EIF3B: variants seen among roughly 807,000 people sequenced by gnomAD.
EIF3B encodes the protein eukaryotic translation initiation factor 3 subunit 9.
In EIF3B, 10 loss-of-function variants were observed where a neutral mutation model predicts 104.6. The ratio of observed to expected loss-of-function variants is 0.10; its 90% CI spans 0.06 to 0.16. The LOEUF (loss-of-function observed/expected upper bound fraction) is 0.16, where lower values mean the gene tolerates loss of function less well. Among genes scored for constraint, EIF3B ranks in the 10% least tolerant of loss-of-function variants. EIF3B has a pLI of 1.00. For missense variants in EIF3B, 1,014 were observed against 1,087.9 expected (o/e 0.93, Z 0.96); for synonymous variants, 542 against 417.2 (o/e 1.30, Z -3.65).
intron 11 of EIF3B, among the ~76,000 whole-genome samples, chr7:2,372,405 T>C (rs557411472): frequency 6.6e-6 from 1 of 152,252 alleles, no homozygotes; most frequent in South Asian, 2.1e-4. Context: ...CTGCTGACAA[T>C]GTCGGGCTCC....
chr7:2,364,342 T>C, intron 5 of EIF3B, 30 bp from the exon 6 acceptor site: 1 of 1,557,442 alleles, frequency 6.4e-7, no homozygotes, highest in Non-Finnish European at 8.6e-7. Flanking sequence ...CATTTTGTTG[T>C]ATTAACGTTG....
At chr7:2,365,393 A>G (rs7810944) in intron 6 of EIF3B, among the ~76,000 whole-genome samples, 118,302 of 151,450 alleles carry the variant, frequency 0.78, 46,551 homozygotes, top group East Asian at 0.89. Context: ...AACGGGGGCC[A>G]CTCTAGGGAA....
chr7:2,366,321 C>T lies in EIF3B; in HGVS notation c.1162C>T (p.Leu388=). The T allele has an allele frequency of 6.2e-7, 1 of 1,606,018 alleles. No homozygotes were observed. Among genetic ancestry groups the T allele is most frequent in the Non-Finnish European group, 8.5e-7 (1 of 1,176,646 alleles). The change falls in exon 7 of 19, where the codon CTG becomes TTG. Residue 388 remains leucine (L), a synonymous_variant. Coordinates refer to ENST00000360876, the MANE Select transcript of EIF3B (RefSeq NM_001037283.2). ...LIDFSPCERY[L]VTFSPLMDTQ... ...AGTGTTGCCCTTCTCTTCTAGGTAC[C>T]TGGTGACCTTTAGCCCCCTGATGGA...
chr7:2,363,216 G>A, intron 4 of EIF3B, 89 bp downstream of exon 4: 1 of 1,331,190 alleles, frequency 7.5e-7, no homozygotes, highest in Non-Finnish European at 1.1e-6. Context: ...ACTTAGGGAG[G>A]CTGAGGTGGG....
At chr7:2,365,283 T>C (rs928507398) in intron 6 of EIF3B, among the ~76,000 whole-genome samples, 1 of 152,112 alleles carries the variant, frequency 6.6e-6, no homozygotes, top group Non-Finnish European at 1.5e-5. Flanking sequence ...AATCCGGCTG[T>C]CGGAGGCCTG....
intron 1 of EIF3B, among the ~76,000 whole-genome samples, chr7:2,359,737 T>TG: frequency 6.6e-6 from 1 of 152,326 alleles, no homozygotes; most frequent in South Asian, 2.1e-4. Flanking sequence ...GGCCAGTCTT[T>TG]GGGGCTGAGC....
intron 8 of EIF3B, 84 bp downstream of exon 8, chr7:2,366,675 A>AGAG: frequency 4.0e-6 from 6 of 1,506,892 alleles, no homozygotes; most frequent in Non-Finnish European, 5.5e-6. Context: ...TTGTGCTAGA[A>AGAG]GAGGAGGAGG....
intron 9 of EIF3B, 184 bp downstream of exon 9, chr7:2,367,229 C>T: frequency 3.5e-6 from 2 of 564,712 alleles, no homozygotes; most frequent in Non-Finnish European, 6.1e-6. Context: ...TGACGGCCCA[C>T]CTCCCTCCTA....
In EIF3B at chr7:2,372,728, C is replaced by G. The variant is rs61742731; in HGVS notation, c.1743C>G (p.His581Gln). The G allele has an allele frequency of 1.2e-6, 2 of 1,614,154 alleles. No homozygotes were observed. Among genetic ancestry groups the G allele is most frequent in the Admixed American group, 3.3e-5 (2 of 60,020 alleles). The change falls in exon 12 of 19, where the codon CAC becomes CAG. Residue 581 changes from histidine to glutamine, a missense_variant. His to Gln is a conservative substitution (Grantham distance 24). Transcript: ENST00000360876. ...EPNGSKFAVL[H>Q]GEAPRISVSF... ...ATGGAAGTAAGTTTGCTGTGCTGCA[C>G]GGAGAGGCTCCGCGGATATCTGTGT...
In EIF3B at chr7:2,366,519, T is replaced by G. The variant is rs780420259; in HGVS notation, c.1290-6T>G. The G allele has an allele frequency of 6.8e-6, 11 of 1,614,184 alleles. No individual in the cohort carries two copies. The highest frequency in any genetic ancestry group is 9.3e-6 in the Non-Finnish European group (11 of 1,180,034). On this transcript the variant is annotated splice_polypyrimidine_tract_variant and splice_region_variant and intron_variant, in intron 7 of 18. Transcript: ENST00000360876. ...GGGAATACCCTGGCACTTTTGTTTTTCTTAGGTGGAGCCATGATGGCAAAT... is the reference window on the plus strand; with the variant it reads ...GGGAATACCCTGGCACTTTTGTTTTGCTTAGGTGGAGCCATGATGGCAAAT...
At position 2,380,449 on chromosome 7, in the gene EIF3B, C is replaced by A. The variant is rs756669116; in HGVS notation, c.*260C>A. 2.0e-6 allele frequency: 1 copy of A among 512,166 alleles called. No homozygotes were observed. Among genetic ancestry groups the A allele is most frequent in the South Asian group, 1.4e-5 (1 of 70,670 alleles). The allele number at this position is 512,166 out of a possible 1,614,324, so 31.7% of individuals were successfully genotyped here. The stretch of plus-strand genomic sequence containing the variant: ...TCTGCAGTGGGGGATTTAAGGCACC[C>A]GCTTCCACTTCTTTCTTGTTTGGAG... On this transcript the variant is annotated 3_prime_UTR_variant, in exon 19 of 19. Transcript: ENST00000360876.
At chr7:2,356,257 C>T (rs982888965) in intron 1 of EIF3B, among the ~76,000 whole-genome samples, 1 of 152,152 alleles carries the variant, frequency 6.6e-6, no homozygotes, top group Non-Finnish European at 1.5e-5. Flanking sequence ...GCCAGCGATA[C>T]ACCAGGACAA....
chr7:2,356,198 G>A (rs984661032), intron 1 of EIF3B, among the ~76,000 whole-genome samples: 8 of 152,148 alleles, frequency 5.3e-5, no homozygotes, highest in Non-Finnish European at 1.2e-4. Flanking sequence ...CTGCAGATTG[G>A]CTAAGTTGAT....
intron 7 of EIF3B, 24 bp from the exon 8 acceptor site, chr7:2,366,500 AC>A (rs1259391953): frequency 6.2e-7 from 1 of 1,613,972 alleles, no homozygotes; most frequent in Non-Finnish European, 8.5e-7. Flanking sequence ...TCATGGGAAT[AC>A]CCTGGCACTT....
intron 15 of EIF3B, among the ~76,000 whole-genome samples, chr7:2,377,338 A>G (rs1210306371): frequency 6.6e-6 from 1 of 152,256 alleles, no homozygotes; most frequent in African/African-American, 2.4e-5. Flanking sequence ...GGCCATTAAA[A>G]AGTCCTGCTG....
intron 9 of EIF3B, chr7:2,367,248 C>T: frequency 1.9e-6 from 1 of 532,550 alleles, no homozygotes; most frequent in Non-Finnish European, 3.3e-6. Context: ...TAGTGGACAG[C>T]CCCTCGGTCC....
rs749815958 is a variant in EIF3B, at chr7:2,364,513, T to C, written c.1141T>C (p.Phe381Leu). The C allele has an allele frequency of 6.2e-7, 1 of 1,612,696 alleles. No homozygotes were observed. ...CCACCAAGGGGTTCAGCTTATTGAC[T>C]TCTCACCTTGTGAAAGGTAAGCTGC... ...FSHQGVQLIDFSPCERYLVTF... is the reference protein window; with the variant it reads ...FSHQGVQLIDLSPCERYLVTF... The change falls in exon 6 of 19, where the codon TTC (phenylalanine) becomes CTC (leucine). Residue 381 changes from phenylalanine to leucine, a missense_variant. Coordinates refer to ENST00000360876, the MANE Select transcript of EIF3B (RefSeq NM_001037283.2).
At chr7:2,372,973 C>T in intron 12 of EIF3B, 178 bp downstream of exon 12, 1 of 512,580 alleles carries the variant, frequency 2.0e-6, no homozygotes, top group Non-Finnish European at 3.2e-6. Context: ...GGTGCCGCCT[C>T]CTTGCAGGGT....
chr7:2,367,083 A>C, intron 9 of EIF3B, 38 bp downstream of exon 9: 1 of 1,505,494 alleles, frequency 6.6e-7, no homozygotes, highest in South Asian at 1.2e-5. Context: ...TAGTGTGTTC[A>C]GGCTGCTTAA....
Sources: allele counts gnomAD v4.1 joint callset (sites outside exome capture counted in the v4.1 genomes callset), GRCh38; gene constraint gnomAD v4.1.1; transcripts MANE v1.5; gene names NCBI Gene and HGNC (gene_info 2026-07-23, HGNC 2026-07-21).